Variants in HGF observed in about 807,000 individuals in gnomAD.
HGF encodes the protein hepatocyte growth factor.
Under a neutral mutation model 111.6 loss-of-function variants are expected in HGF, and 39 were observed. That is an observed-to-expected ratio of 0.35 (90% CI 0.27 to 0.46). The LOEUF is 0.46. Among genes scored for constraint, HGF ranks in the 20% least tolerant of loss-of-function variants. HGF has a pLI of 1.00. For missense variants in HGF, 735 were observed against 910.5 expected, an observed-to-expected ratio of 0.81 and a Z score of 2.48; for synonymous variants, 285 against 294.8, an observed-to-expected ratio of 0.97 and a Z score of 0.34.
intron 10 of HGF, among the ~76,000 whole-genome samples, chr7:81,718,060 C>A (rs1341544569): frequency 6.6e-6 from 1 of 152,108 alleles, no homozygotes; most frequent in East Asian, 1.9e-4. Flanking sequence ...TGAATGAAGT[C>A]AATTCTACAT....
In HGF at chr7:81,768,615, G is replaced by A. The variant is rs1055648899; in HGVS notation, c.88+1269C>T. On this transcript the variant is annotated intron_variant, in intron 1 of 17. Transcript: ENST00000222390. ...AGGATGGTCTCAATCTCCTGACCTC[G>A]TGATCTGCCCGCCTCGGCCTCCCAA... Among the ~76,000 whole-genome samples, 14 of 152,080 alleles carry A rather than the reference G, an allele frequency of 9.2e-5. No homozygotes were observed. In the South Asian group the frequency reaches 1.2e-3, roughly 14 times the overall value.
chr7:81,723,191 A>G lies in HGF; in HGVS notation c.1169-2344T>C, dbSNP rs1789917984. On this transcript the variant is annotated intron_variant, in intron 9 of 17. Transcript: ENST00000222390. ...AAAGAATGGAAAATACTCAAGAGCC[A>G]TAAACAAGAAACTAATGAAATTGTC... Among the ~76,000 whole-genome samples the G allele has an allele frequency of 2.6e-5, 4 of 152,312 alleles. No homozygotes were observed. The South Asian group carries it at 8.3e-4, about 32-fold the overall frequency.
At chr7:81,718,302 G>A (rs1393739549) in intron 10 of HGF, among the ~76,000 whole-genome samples, 1 of 152,132 alleles carries the variant, frequency 6.6e-6, no homozygotes, top group Non-Finnish European at 1.5e-5. Flanking sequence ...TGTGTTGTAG[G>A]TTCTTTGTAG....
chr7:81,713,501 G>A (rs1410203196), intron 11 of HGF, among the ~76,000 whole-genome samples: 1 of 151,210 alleles, frequency 6.6e-6, no homozygotes, highest in East Asian at 1.9e-4. Flanking sequence ...ACTCCAGCCT[G>A]GGCAACAGTG....
intron 5 of HGF, among the ~76,000 whole-genome samples, chr7:81,750,581 G>A (rs943939628): frequency 3.3e-5 from 5 of 152,078 alleles, no homozygotes; most frequent in South Asian, 2.1e-4. Flanking sequence ...AATCTATGTC[G>A]CCTAGCAGTC....
intron 2 of HGF, among the ~76,000 whole-genome samples, chr7:81,760,680 C>CGTGCGTGCGTGT (rs1198387549): frequency 8.9e-4 from 124 of 139,566 alleles, no homozygotes; most frequent in African/African-American, 3.2e-3. Context: ...TATGTGCGTG[C>CGTGCGTGCGTGT]GTGTGTGTGT....
intron 5 of HGF, among the ~76,000 whole-genome samples, chr7:81,749,889 A>G (rs1446984050): frequency 3.3e-5 from 5 of 152,014 alleles, no homozygotes; most frequent in Admixed American, 6.6e-5. Context: ...ATACTGTTCT[A>G]TATGTCTTTT....
chr7:81,769,869 A>T lies in HGF; in HGVS notation c.88+15T>A, dbSNP rs750950354. 3.2e-6 allele frequency: 5 copies of T among 1,543,642 alleles called. No homozygotes were observed. The East Asian group carries it at 1.2e-4, about 37-fold the overall frequency. ...AATACTAATACTAATAATGAAGAAG[A>T]AGAAGGGAACTAACCTGCATAGGGG... On this transcript the variant is annotated intron_variant, in intron 1 of 17. Coordinates refer to ENST00000222390, the MANE Select transcript of HGF (RefSeq NM_000601.6).
intron 11 of HGF, among the ~76,000 whole-genome samples, chr7:81,716,752 TG>T (rs1451840121): frequency 6.6e-6 from 1 of 152,126 alleles, no homozygotes; most frequent in Non-Finnish European, 1.5e-5. Flanking sequence ...GATAACTGGG[TG>T]GAAAACTCCA....
chr7:81,715,359 T>A lies in HGF; in HGVS notation c.1405+1873A>T, dbSNP rs190245346. Among the ~76,000 whole-genome samples the A allele has an allele frequency of 6.2e-3, 938 of 152,198 alleles. 8 individuals are homozygous for A. Among genetic ancestry groups the A allele is most frequent in the African/African-American group, 0.021 (885 of 41,556 alleles). Reference sequence around the variant, plus strand: ...AAAATAATAATCTTTTAATAATTTTTAAATATTTTTGTATGGCATTCTCTG... The same window carrying A: ...AAAATAATAATCTTTTAATAATTTTAAAATATTTTTGTATGGCATTCTCTG... On this transcript the variant is annotated intron_variant, in intron 11 of 17. Coordinates refer to ENST00000222390, the MANE Select transcript of HGF (RefSeq NM_000601.6).
At chr7:81,732,083 C>G (rs1211593917) in intron 7 of HGF, among the ~76,000 whole-genome samples, 6 of 152,188 alleles carry the variant, frequency 3.9e-5, no homozygotes, top group Non-Finnish European at 1.5e-5. Flanking sequence ...AAGCACTACT[C>G]TTATGCTGTG....
At chr7:81,756,365 TA>T (rs1788769230) in intron 4 of HGF, 1 of 293,882 alleles carries the variant, frequency 3.4e-6, no homozygotes, top group African/African-American at 2.2e-5. Context: ...GCATTACTAA[TA>T]AGGGGAGAGC....
At chr7:81,720,066 A>T (rs868826768) in intron 10 of HGF, among the ~76,000 whole-genome samples, 1 of 152,174 alleles carries the variant, frequency 6.6e-6, no homozygotes, top group Non-Finnish European at 1.5e-5. Context: ...TTCTTTTGCA[A>T]TTTTGTAAAC....
At chr7:81,717,112 C>G (rs754658658) in intron 11 of HGF, 120 bp downstream of exon 11, 5 of 915,914 alleles carry the variant, frequency 5.5e-6, no homozygotes, top group Non-Finnish European at 8.9e-6. Context: ...GTGTGTTGCT[C>G]TCTGGAGAGC....
At chr7:81,751,860 C>T (rs1788521606) in intron 5 of HGF, 1 of 1,304,338 alleles carries the variant, frequency 7.7e-7, no homozygotes. Flanking sequence ...TAAACCCTCT[C>T]TTTCACTTTC....
chr7:81,706,394 A>T lies in HGF; in HGVS notation c.1650T>A (p.Ile550=). The change falls in exon 15 of 18, where the codon ATT becomes ATA. Residue 550 remains isoleucine, a synonymous_variant. Transcript: ENST00000222390. The part of the protein sequence containing the change: ...DLKDYEAWLG[I]HDVHGRGDEK... ...CATCTCCTCTTCCGTGGACATCATG[A>T]ATTCCAAGCCAAGCTTCATAATCTT... The T allele has an allele frequency of 1.2e-6, 2 of 1,612,574 alleles. No homozygotes were observed. Among genetic ancestry groups the T allele is most frequent in the Non-Finnish European group, 1.7e-6 (2 of 1,178,816 alleles).
chr7:81,707,312 C>T lies in HGF; in HGVS notation c.1594G>A (p.Ala532Thr), dbSNP rs759881207. 2 of 1,597,282 alleles carry T rather than the reference C, an allele frequency of 1.3e-6. No homozygotes were observed. The highest frequency in any genetic ancestry group is 4.5e-5 in the East Asian group (2 of 44,704). ...TACCGAGAAGGGAAACACTGTCGTG[C>T]AGTAAGAACCCAACTCTCCTTTATC... ...SLIKESWVLT[A>T]RQCFPSRDLK... The change falls in exon 14 of 18, where the codon GCA becomes ACA. Residue 532 changes from alanine to threonine, a missense_variant. Ala to Thr is a moderately conservative substitution (Grantham distance 58). This residue lies in a region of HGF where 553 missense variants were observed against 685.6 expected (regional missense o/e 0.81). Transcript: ENST00000222390.
rs5745634 is a variant in HGF, at chr7:81,758,981, A to G, written c.255-177T>C. Among the ~76,000 whole-genome samples, 209 of 152,300 alleles carry G rather than the reference A, an allele frequency of 1.4e-3. 1 individual carries two copies. Among genetic ancestry groups the G allele is most frequent in the Non-Finnish European group, 2.4e-3 (166 of 67,996 alleles). On this transcript the variant is annotated intron_variant, in intron 2 of 17. Transcript: ENST00000222390. ...GAACCTACCATTTTGATAGCCAAAC[A>G]AGAAAGAACAAAATTAAGTTTTTGT...
intron 2 of HGF, among the ~76,000 whole-genome samples, chr7:81,760,885 G>C (rs983328396): frequency 2.8e-4 from 43 of 152,064 alleles, no homozygotes; most frequent in African/African-American, 9.2e-4. Flanking sequence ...GAATATGTGA[G>C]CACTTACTAA....
Sources: gnomAD v4.1 joint callset for allele counts (sites outside exome capture counted in the v4.1 genomes callset) on GRCh38, gnomAD v4.1.1 for gene constraint, gnomAD v4.1.1 regional missense constraint, MANE v1.5 for transcripts, NCBI Gene and HGNC (gene_info 2026-07-23, HGNC 2026-07-21) for gene names.